The following MED12 variants were observed in gnomAD, a reference collection of about 807,000 sequenced individuals.
The protein encoded by MED12 is mediator of RNA polymerase II transcription subunit 12.
MED12 carries 10 observed loss-of-function variants against 177.7 expected under a neutral mutation model. The ratio of observed to expected loss-of-function variants is 0.06; its 90% CI spans 0.03 to 0.10. MED12 has a LOEUF of 0.10. Ranked by LOEUF, MED12 falls within the 10% of genes least tolerant of loss-of-function variation. MED12 has a pLI of 1.00. For missense variants in MED12, 867 were observed against 1,780.8 expected (o/e 0.49, Z 9.23); for synonymous variants, 641 against 678.4 (o/e 0.94, Z 0.86).
chrX:71,136,835 T>C, intron 37 of MED12, 44 bp from the exon 38 acceptor site: 1 of 1,209,854 alleles, frequency 8.3e-7, no homozygotes, highest in Non-Finnish European at 1.1e-6. Context: ...CCCGACCCCA[T>C]TCAGCTACAA....
chrX:71,127,886 C>T lies in MED12; in HGVS notation c.2982-7C>T. On this transcript the variant is annotated splice_polypyrimidine_tract_variant and splice_region_variant and intron_variant, in intron 21 of 44. Transcript: ENST00000374080. ...ACACTACTATCTCCTTTCCTCCATC[C>T]CTGCAGCGACTTTTGCTCAAAGGTG... 8.3e-7 allele frequency: 1 copy of T among 1,198,640 alleles called. No homozygotes were observed. Among genetic ancestry groups the T allele is most frequent in the South Asian group, 1.8e-5 (1 of 56,418 alleles).
At chrX:71,126,599 G>A (rs1184163302) in intron 19 of MED12, 115 bp downstream of exon 19, 1 of 927,392 alleles carries the variant, frequency 1.1e-6, no homozygotes, top group Admixed American at 2.2e-5. Flanking sequence ...TATTTGAAGG[G>A]GCAGAAAGAC....
In MED12 at chrX:71,133,132, A is replaced by G; in HGVS notation, c.4537A>G (p.Asn1513Asp). The G allele has an allele frequency of 8.4e-7, 1 of 1,193,512 alleles. No homozygotes were observed. The highest frequency in any genetic ancestry group is 1.1e-6 in the Non-Finnish European group (1 of 879,019). The stretch of plus-strand genomic sequence containing the variant: ...TTTGTTTCTATTCTAGATTGTGAAT[A>G]ATTGGCGAGATGACCAGTACTTAGA... ...LYSQVHQIVN[N>D]WRDDQYLDDC... Residue 1513 changes from asparagine (N) to aspartate (D), a missense_variant, in exon 33 of 45, where the codon AAT becomes GAT. By Grantham distance (23) the Asn-to-Asp change is conservative (BLOSUM62 1). Coordinates refer to ENST00000374080, the MANE Select transcript of MED12 (RefSeq NM_005120.3).
chrX:71,140,828 C>T lies in MED12; in HGVS notation c.6238C>T (p.Arg2080Trp), dbSNP rs2092345436. The change falls in exon 42 of 45, where the codon CGG (arginine) becomes TGG (tryptophan). Residue 2080 changes from arginine to tryptophan, a missense_variant. Arg to Trp is a moderately radical substitution (Grantham distance 101). This residue lies in a region of MED12 where 236 missense variants were observed against 345.2 expected (regional missense o/e 0.68). Coordinates refer to ENST00000374080, the MANE Select transcript of MED12 (RefSeq NM_005120.3). ...GCAGCAGCAGCAGCAGTACCACATC[C>T]GGCAGCAGCAGCAGCAGCAGATCCT... ...QQQQQQQYHIRQQQQQQILRQ... is the reference protein window; with the variant it reads ...QQQQQQQYHIWQQQQQQILRQ... The T allele has an allele frequency of 8.3e-7, 1 of 1,206,606 alleles. No homozygotes were observed. Among genetic ancestry groups the T allele is most frequent in the Non-Finnish European group, 1.1e-6 (1 of 894,582 alleles).
chrX:71,122,063 C>A (rs1339614113), intron 7 of MED12, 137 bp from the exon 8 acceptor site: 2 of 897,609 alleles, frequency 2.2e-6, no homozygotes, highest in Non-Finnish European at 1.6e-6. Context: ...GGGAGGGGAT[C>A]GGGGTGGAGT....
At chrX:71,126,698 T>C (rs977814021) in intron 19 of MED12, among the ~76,000 whole-genome samples, 1 of 112,166 alleles carries the variant, frequency 8.9e-6, no homozygotes, top group Non-Finnish European at 1.9e-5. Context: ...ATTAGAGCAT[T>C]GGGCACAGAC....
At position 71,120,190 on chromosome X, in the gene MED12, A is replaced by G; in HGVS notation, c.553+20A>G. Reference sequence around the variant, plus strand: ...TCATGGGTGAGTAACTCCTAACACCAGGTGTACTGCTGATGGCTTCAAGGA... The same window carrying G: ...TCATGGGTGAGTAACTCCTAACACCGGGTGTACTGCTGATGGCTTCAAGGA... On this transcript the variant is annotated intron_variant, in intron 4 of 44. Coordinates refer to ENST00000374080, the MANE Select transcript of MED12 (RefSeq NM_005120.3). The G allele has an allele frequency of 8.3e-7, 1 of 1,203,648 alleles. No homozygotes were observed. Among genetic ancestry groups the G allele is most frequent in the African/African-American group, 1.7e-5 (1 of 57,498 alleles).
chrX:71,122,646 G>A (rs1445782235), intron 9 of MED12, 39 bp downstream of exon 9: 3 of 1,196,180 alleles, frequency 2.5e-6, no homozygotes, highest in Non-Finnish European at 3.4e-6. Flanking sequence ...ATATGTTTGA[G>A]GAAAGGATGG....
At position 71,132,147 on chromosome X, in the gene MED12, A is replaced by G. The variant is rs1319823223; in HGVS notation, c.4194A>G (p.Ser1398=). Residue 1398 remains serine, a synonymous_variant, in exon 30 of 45, where the codon TCA becomes TCG. Coordinates refer to ENST00000374080, the MANE Select transcript of MED12 (RefSeq NM_005120.3). The part of the protein sequence containing the change: ...EVFQQSAETG[S]SSGSTASNMP... Reference sequence around the variant, plus strand: ...TCCAACAGTCAGCAGAGACAGGGTCATCTTCTGGAAGTACTGCAAGCAACA... The same window carrying G: ...TCCAACAGTCAGCAGAGACAGGGTCGTCTTCTGGAAGTACTGCAAGCAACA... 1.7e-6 allele frequency: 2 copies of G among 1,210,621 alleles called. No individual in the cohort carries two copies. The highest frequency in any genetic ancestry group is 2.3e-4 in the Middle Eastern group (1 of 4,353).
In MED12 at chrX:71,122,722, C is replaced by CA; in HGVS notation, c.1349-15dup. 4.1e-6 allele frequency: 5 copies of CA among 1,211,628 alleles called. No homozygotes were observed. The highest frequency in any genetic ancestry group is 5.6e-6 in the Non-Finnish European group (5 of 895,429). On this transcript the variant is annotated splice_polypyrimidine_tract_variant and intron_variant, in intron 9 of 44. Coordinates refer to ENST00000374080, the MANE Select transcript of MED12 (RefSeq NM_005120.3). Reference sequence around the variant, plus strand: ...GGGCCTCTGGTTCAGTCCCCTTTACCACTTTTCCTCCTTAGGCTTCACCAT... The same window carrying CA: ...GGGCCTCTGGTTCAGTCCCCTTTACCAACTTTTCCTCCTTAGGCTTCACCAT...
chrX:71,123,462 T>TG, intron 11 of MED12, 132 bp from the exon 12 acceptor site: 6 of 840,413 alleles, frequency 7.1e-6, no homozygotes, highest in Non-Finnish European at 1.0e-5. Flanking sequence ...GTAAAGAACA[T>TG]GGAGGTCAGC....
rs1255266302 is a variant in MED12, at chrX:71,136,346, A to G, written c.5091A>G (p.Ser1697=). 2.5e-6 allele frequency: 3 copies of G among 1,211,767 alleles called. No individual in the cohort carries two copies. The highest frequency in any genetic ancestry group is 3.5e-5 in the South Asian group (2 of 57,003). ...ATCTTTTTGAGGGGTTGAAGCCGTC[A>G]GCACCACTCTCTTGGGGCTGGTTTG... is the stretch of plus-strand genomic sequence containing the variant. The part of the protein sequence containing the change: ...PWDLFEGLKP[S]APLSWGWFGT... The change falls in exon 37 of 45, where the codon TCA becomes TCG. Residue 1697 remains serine, a synonymous_variant. Coordinates refer to ENST00000374080, the MANE Select transcript of MED12 (RefSeq NM_005120.3).
rs863223704 is a variant in MED12, at chrX:71,128,296, G to T, written c.3210G>T (p.Arg1070Ser). The T allele has an allele frequency of 9.9e-6, 12 of 1,209,955 alleles. No homozygotes were observed. The highest frequency in any genetic ancestry group is 1.8e-5 in the African/African-American group (1 of 57,023). The change falls in exon 23 of 45, where the codon AGG (arginine) becomes AGT (serine). Residue 1070 changes from arginine (R) to serine (S), a missense_variant and splice_region_variant. Transcript: ENST00000374080. ...HVCVGHHDPD[R>S]VNDIAILCAE... ...TGAGGGCATTTGTACTTTTCCCTAG[G>T]GTGAATGACATCGCAATCCTGTGTG... is the stretch of plus-strand genomic sequence containing the variant.
Position 71,127,385 on chromosome X carries a change from G to A in MED12, c.2899G>A (p.Ala967Thr), listed in dbSNP as rs1009027587. The part of the protein sequence containing the change: ...HGMNRSDGSS[A>T]ERCILAYLYD... ...GATGAACCGGTCCGATGGCTCCTCT[G>A]CAGAGCGCTGTATCCTTGCTTATCT... Residue 967 changes from alanine (A) to threonine (T), a missense_variant, in exon 21 of 45, where the codon GCA becomes ACA. Physicochemically the swap from Ala to Thr is moderately conservative, Grantham distance 58. Around this residue, in one of 14 missense-constraint regions of MED12, gnomAD observed 70 missense variants for 143.6 expected, o/e 0.49. Transcript: ENST00000374080. The A allele has an allele frequency of 8.3e-7, 1 of 1,209,558 alleles. No individual in the cohort carries two copies. Among genetic ancestry groups the A allele is most frequent in the Admixed American group, 2.2e-5 (1 of 46,068 alleles).
intron 13 of MED12, 98 bp downstream of exon 13, chrX:71,124,486 G>A (rs1229143749): frequency 4.5e-6 from 3 of 668,975 alleles, no homozygotes; most frequent in Non-Finnish European, 6.9e-6. Context: ...TGGGGGAGGG[G>A]GGTAGTATTT....
At chrX:71,134,586 C>A in intron 34 of MED12, 120 bp downstream of exon 34, 2 of 1,017,991 alleles carry the variant, frequency 2.0e-6, no homozygotes, top group Non-Finnish European at 2.8e-6. Context: ...GCCCTGGGCT[C>A]CCCATACAGT....
intron 24 of MED12, 101 bp downstream of exon 24, chrX:71,128,819 G>A (rs2092309478): frequency 3.9e-6 from 4 of 1,016,107 alleles, no homozygotes; most frequent in Admixed American, 2.3e-5. Flanking sequence ...ACCTTGCTGC[G>A]GCTCCCTGGC....
chrX:71,121,532 C>T, intron 6 of MED12, 30 bp from the exon 7 acceptor site: 2 of 1,211,280 alleles, frequency 1.7e-6, no homozygotes, highest in South Asian at 3.5e-5. Context: ...CTGGAGAGAA[C>T]TAGGGGCTCT....
At chrX:71,125,250 G>C in intron 15 of MED12, 101 bp from the exon 16 acceptor site, 19 of 1,196,829 alleles carry the variant, frequency 1.6e-5, no homozygotes, top group Non-Finnish European at 2.0e-5. Context: ...GGTTGGGAAA[G>C]GGAAGGGCTT....
Sources: allele counts gnomAD v4.1 joint callset (sites outside exome capture counted in the v4.1 genomes callset), GRCh38; gene constraint gnomAD v4.1.1; regional missense constraint gnomAD v4.1.1; transcripts MANE v1.5; gene names NCBI Gene and HGNC (gene_info 2026-07-23, HGNC 2026-07-21).